Variants in ZNF653 observed in about 807,000 individuals in gnomAD.
ZNF653 encodes the protein zinc finger protein 653, also known as 67 kDa zinc finger protein.
In ZNF653, 37 loss-of-function variants were observed where a neutral mutation model predicts 59.9. That is an observed-to-expected ratio of 0.62 (90% CI 0.48 to 0.81). The LOEUF (loss-of-function observed/expected upper bound fraction) is 0.81. Ranked by LOEUF, ZNF653 falls within the 40% of genes least tolerant of loss-of-function variation. ZNF653 has a pLI of 0.00. For missense variants in ZNF653, 808 were observed against 881.1 expected (o/e 0.92, Z 1.05); for synonymous variants, 435 against 371.8 (o/e 1.17, Z -1.96).
chr19:11,484,269 G>C (rs1432834975), intron 7 of ZNF653, 128 bp from the exon 8 acceptor site: 1 of 734,964 alleles, frequency 1.4e-6, no homozygotes, highest in Non-Finnish European at 2.3e-6. Flanking sequence ...GGTGCAGGCC[G>C]ACCAAACCCT....
At chr19:11,485,081 A>AC (rs1431844060) in intron 7 of ZNF653, among the ~76,000 whole-genome samples, 105 of 151,266 alleles carry the variant, frequency 6.9e-4, no homozygotes, top group African/African-American at 2.4e-3. Flanking sequence ...ACCAAAAAAA[A>AC]CAAAAAAAAC....
At chr19:11,503,411 CTATT>C (rs1971667776) in intron 1 of ZNF653, among the ~76,000 whole-genome samples, 1 of 152,164 alleles carries the variant, frequency 6.6e-6, no homozygotes, top group Admixed American at 6.6e-5. Flanking sequence ...CCTTAACTCC[CTATT>C]TAAACTTCCA....
chr19:11,501,461 G>A (rs1226558476), intron 1 of ZNF653, among the ~76,000 whole-genome samples: 4 of 140,010 alleles, frequency 2.9e-5, no homozygotes, highest in Admixed American at 6.8e-5. Flanking sequence ...TTACAGGTGT[G>A]AGCCACTAGC....
intron 2 of ZNF653, among the ~76,000 whole-genome samples, chr19:11,497,664 C>T (rs942902421): frequency 5.9e-5 from 9 of 152,102 alleles, no homozygotes; most frequent in Non-Finnish European, 7.4e-5. Context: ...CCCTGTGGGC[C>T]GGGAGATGAA....
chr19:11,493,688 AC>A (rs1971552788), intron 3 of ZNF653, among the ~76,000 whole-genome samples: 1 of 152,168 alleles, frequency 6.6e-6, no homozygotes, highest in Non-Finnish European at 1.5e-5. Flanking sequence ...AGTTTGGCTG[AC>A]CCCAGACTTC....
At chr19:11,497,665 G>A (rs947508053) in intron 2 of ZNF653, among the ~76,000 whole-genome samples, 7 of 152,166 alleles carry the variant, frequency 4.6e-5, no homozygotes, top group Admixed American at 6.5e-5. Flanking sequence ...CCTGTGGGCC[G>A]GGAGATGAAG....
At chr19:11,494,735 G>T (rs1599565114) in intron 3 of ZNF653, among the ~76,000 whole-genome samples, 1 of 152,128 alleles carries the variant, frequency 6.6e-6, no homozygotes, top group African/African-American at 2.4e-5. Context: ...GTTGAGTTGG[G>T]GCGTAAGTAA....
chr19:11,503,569 G>A (rs1263065377), intron 1 of ZNF653, among the ~76,000 whole-genome samples: 2 of 152,174 alleles, frequency 1.3e-5, no homozygotes, highest in South Asian at 2.1e-4. Context: ...CACTTCGGGA[G>A]GCTGAGGACG....
At chr19:11,503,285 C>A (rs1017376308) in intron 1 of ZNF653, among the ~76,000 whole-genome samples, 7 of 152,156 alleles carry the variant, frequency 4.6e-5, no homozygotes, top group Non-Finnish European at 8.8e-5. Context: ...CAGGGTCCTG[C>A]CTCAGGACCT....
At chr19:11,485,567 T>TG (rs2144932425) in intron 7 of ZNF653, 89 bp downstream of exon 7, 1 of 1,033,568 alleles carries the variant, frequency 9.7e-7, no homozygotes, top group African/African-American at 1.6e-5. Context: ...GACCCAGCAC[T>TG]GGGCTTTGAC....
intron 3 of ZNF653, among the ~76,000 whole-genome samples, chr19:11,492,999 G>T (rs1971545137): frequency 6.6e-6 from 1 of 151,846 alleles, no homozygotes; most frequent in Non-Finnish European, 1.5e-5. Flanking sequence ...CACCTGCCTT[G>T]GCCTCCCAAA....
At chr19:11,493,663 C>T (rs1019435463) in intron 3 of ZNF653, among the ~76,000 whole-genome samples, 1 of 152,234 alleles carries the variant, frequency 6.6e-6, no homozygotes, top group South Asian at 2.1e-4. Context: ...GTCCACCTGA[C>T]TGCAGCACCT....
At position 11,487,055 on chromosome 19, in the gene ZNF653, C is replaced by T. The variant is rs750527089; in HGVS notation, c.1275G>A (p.Ala425=). ...VPESAEPEAE[A]DGEELDGSDM... ...CGCTGCCGTCCAGCTCCTCCCCGTCCGCCTCTGCCTCAGGCTCTGCGCTCT... is the reference window on the plus strand; with the variant it reads ...CGCTGCCGTCCAGCTCCTCCCCGTCTGCCTCTGCCTCAGGCTCTGCGCTCT... Residue 425 remains alanine (A), a synonymous_variant, in exon 5 of 9, where the codon GCG becomes GCA. Transcript: ENST00000293771. This position sits in a 1 kb window ranked among gnomAD's most constrained non-coding sequence, Gnocchi z 5.1. 5.9e-5 allele frequency: 95 copies of T among 1,614,124 alleles called. No individual in the cohort carries two copies. The highest frequency in any genetic ancestry group is 5.7e-4 in the South Asian group (52 of 91,084).
intron 3 of ZNF653, among the ~76,000 whole-genome samples, chr19:11,489,350 CAA>C (rs1971506762): frequency 6.6e-6 from 1 of 152,164 alleles, no homozygotes; most frequent in African/African-American, 2.4e-5. Flanking sequence ...CAGGTGCATG[CAA>C]CCACACCTGG....
intron 1 of ZNF653, among the ~76,000 whole-genome samples, chr19:11,504,173 G>A (rs1035281511): frequency 2.6e-5 from 4 of 152,044 alleles, no homozygotes; most frequent in East Asian, 3.9e-4. Context: ...AGGCCGAGGC[G>A]GGTGGATCAC....
At chr19:11,502,153 G>A (rs377228504) in intron 1 of ZNF653, among the ~76,000 whole-genome samples, 14 of 149,398 alleles carry the variant, frequency 9.4e-5, no homozygotes, top group East Asian at 6.0e-4. Flanking sequence ...GTACAGTGGC[G>A]CGATCTCGGC....
intron 3 of ZNF653, among the ~76,000 whole-genome samples, chr19:11,493,353 C>A (rs1971548975): frequency 6.6e-6 from 1 of 151,412 alleles, no homozygotes; most frequent in Admixed American, 6.6e-5. Flanking sequence ...CCACCGTGCC[C>A]AGCCTTTGTT....
chr19:11,483,550 C>A lies in ZNF653; in HGVS notation c.*132G>T. 1 of 1,423,870 alleles carries A rather than the reference C, an allele frequency of 7.0e-7. No individual in the cohort carries two copies. The highest frequency in any genetic ancestry group is 9.2e-7 in the Non-Finnish European group (1 of 1,087,018). 88.2% of individuals were successfully genotyped at this position (1,423,870 alleles called of 1,614,324 possible). A position where few individuals can be genotyped will look rare whatever the true frequency, so the allele number is the denominator to read the frequency against. On this transcript the variant is annotated 3_prime_UTR_variant, in exon 9 of 9. Coordinates refer to ENST00000293771, the MANE Select transcript of ZNF653 (RefSeq NM_138783.4). ...TGGGGAACCTGCCCAGGGGGCCCAG[C>A]TCTGGGGCGGGGCGGGGGCGCCTCC...
Position 11,496,087 on chromosome 19 carries a change from G to A in ZNF653, c.422C>T (p.Pro141Leu), listed in dbSNP as rs1007018747. The A allele has an allele frequency of 4.3e-6, 7 of 1,613,974 alleles. No individual in the cohort carries two copies. Among genetic ancestry groups the A allele is most frequent in the South Asian group, 1.1e-5 (1 of 91,086 alleles). The change falls in exon 3 of 9, where the codon CCG becomes CTG. Residue 141 changes from proline to leucine, a missense_variant. Pro to Leu is a moderately conservative substitution (Grantham distance 98). Coordinates refer to ENST00000293771, the MANE Select transcript of ZNF653 (RefSeq NM_138783.4). ...AGTGGGGTCTAGCTCCGCCAGGTGC[G>A]GCTCGTACGGGCAGCGGTGCTTGTG... ...EDHKHRCPYEPHLAELDPTFG... is the reference protein window; with the variant it reads ...EDHKHRCPYELHLAELDPTFG...
Sources: gnomAD v4.1 joint callset for allele counts (sites outside exome capture counted in the v4.1 genomes callset) on GRCh38, gnomAD v4.1.1 for gene constraint, Gnocchi (gnomAD v3.1) non-coding constraint, MANE v1.5 for transcripts, NCBI Gene and HGNC (gene_info 2026-07-23, HGNC 2026-07-21) for gene names.